Variants in PCDH9 observed in about 807,000 individuals in gnomAD.
PCDH9 encodes the protein protocadherin 9, also known as protocadherin-9.
Under a neutral mutation model 70.6 loss-of-function variants are expected in PCDH9, and 24 were observed. That is an observed-to-expected ratio of 0.34 (90% confidence interval 0.25 to 0.48). The LOEUF (loss-of-function observed/expected upper bound fraction) is 0.48. Ranked by LOEUF, PCDH9 falls within the 20% of genes least tolerant of loss-of-function variation. The probability of loss-of-function intolerance (pLI) is 0.99; values close to 1 mark genes in which losing one functional copy is unlikely to be tolerated. For missense variants in PCDH9, 1,281 were observed against 1,503.6 expected (o/e 0.85, Z 2.45); for synonymous variants, 562 against 558.5 (o/e 1.01, Z -0.09).
At chr13:66,402,088 G>T (rs916272564) in intron 4 of PCDH9, among the ~76,000 whole-genome samples, 1 of 152,054 alleles carries the variant, frequency 6.6e-6, no homozygotes, top group African/African-American at 2.4e-5. Flanking sequence ...CTTTCTTTCT[G>T]CTTGAAAATA....
At chr13:67,085,557 C>A (rs2086090140) in intron 2 of PCDH9, among the ~76,000 whole-genome samples, 1 of 152,128 alleles carries the variant, frequency 6.6e-6, no homozygotes, top group Admixed American at 6.6e-5. Context: ...GCATTTCACA[C>A]CAACTAGAAG....
chr13:66,833,431 G>A (rs190111238), intron 3 of PCDH9, among the ~76,000 whole-genome samples: 10 of 152,132 alleles, frequency 6.6e-5, no homozygotes, highest in African/African-American at 1.4e-4. Flanking sequence ...TTCCACCCCA[G>A]GGCAGAGGGT....
At chr13:66,526,885 A>G (rs1381987475) in intron 4 of PCDH9, among the ~76,000 whole-genome samples, 3 of 152,200 alleles carry the variant, frequency 2.0e-5, no homozygotes, top group Non-Finnish European at 2.9e-5. Context: ...GATGCAAGCA[A>G]AAGTGCATAA....
At chr13:66,443,907 C>G (rs971439284) in intron 4 of PCDH9, among the ~76,000 whole-genome samples, 11 of 151,960 alleles carry the variant, frequency 7.2e-5, no homozygotes, top group African/African-American at 2.7e-4. Flanking sequence ...TTACTATGAG[C>G]GTTGTTTAAC....
At chr13:67,152,326 G>A (rs560640676) in intron 2 of PCDH9, among the ~76,000 whole-genome samples, 1 of 152,246 alleles carries the variant, frequency 6.6e-6, no homozygotes, top group East Asian at 1.9e-4. Context: ...AAATCCACTT[G>A]TGCCTAAGGC....
chr13:67,039,165 T>A (rs991407532), intron 2 of PCDH9, among the ~76,000 whole-genome samples: 1 of 152,182 alleles, frequency 6.6e-6, no homozygotes, highest in African/African-American at 2.4e-5. Context: ...TGGAACTGCA[T>A]CAGACCAGTC....
At position 66,421,866 on chromosome 13, in the gene PCDH9, A is replaced by T. The variant is rs1957574179; in HGVS notation, c.3341-116838T>A. The stretch of plus-strand genomic sequence containing the variant: ...CCAATTAAAAGGCACAGACTGGCAA[A>T]TTGGATAAAGAGTCAAGACCCATCG... On this transcript the variant is annotated intron_variant, in intron 4 of 4. Coordinates refer to ENST00000377865, the MANE Select transcript of PCDH9 (RefSeq NM_203487.3). Among the ~76,000 whole-genome samples, 4 of 152,314 alleles carry T rather than the reference A, an allele frequency of 2.6e-5. No individual in the cohort carries two copies. The South Asian group carries it at 8.3e-4, about 32-fold the overall frequency.
chr13:67,172,669 G>T (rs948621705), intron 2 of PCDH9, among the ~76,000 whole-genome samples: 1 of 151,898 alleles, frequency 6.6e-6, no homozygotes, highest in Non-Finnish European at 1.5e-5. Flanking sequence ...CCTGAGGTCC[G>T]GAGTTCGACA....
chr13:67,199,083 C>T (rs2089146913), intron 2 of PCDH9, among the ~76,000 whole-genome samples: 3 of 151,362 alleles, frequency 2.0e-5, no homozygotes, highest in African/African-American at 7.3e-5. Flanking sequence ...ATTTAATAAA[C>T]ATAAATTGTA....
At chr13:66,840,909 T>G (rs2081106070) in intron 3 of PCDH9, among the ~76,000 whole-genome samples, 1 of 152,048 alleles carries the variant, frequency 6.6e-6, no homozygotes, top group South Asian at 2.1e-4. Flanking sequence ...ACACTACTAA[T>G]TAGAGAGAGA....
At chr13:67,119,265 C>A (rs924179732) in intron 2 of PCDH9, among the ~76,000 whole-genome samples, 1 of 151,720 alleles carries the variant, frequency 6.6e-6, no homozygotes. Flanking sequence ...AGATCTTAGC[C>A]GGGATTTAAA....
intron 3 of PCDH9, among the ~76,000 whole-genome samples, chr13:66,868,073 T>G (rs992684196): frequency 1.3e-5 from 2 of 152,020 alleles, no homozygotes; most frequent in African/African-American, 2.4e-5. Flanking sequence ...CCTAGACTGA[T>G]TTACTGTCAT....
chr13:66,840,270 C>A (rs1242643153), intron 3 of PCDH9, among the ~76,000 whole-genome samples: 2 of 151,968 alleles, frequency 1.3e-5, no homozygotes, highest in African/African-American at 4.8e-5. Flanking sequence ...GGTAGTATTT[C>A]TTTTCAAAGC....
At chr13:66,416,417 T>C (rs1957462166) in intron 4 of PCDH9, among the ~76,000 whole-genome samples, 1 of 152,002 alleles carries the variant, frequency 6.6e-6, no homozygotes. Context: ...CAGCCGACCA[T>C]ATGGGCAGTA....
intron 3 of PCDH9, among the ~76,000 whole-genome samples, chr13:66,801,150 A>G (rs115482961): frequency 0.015 from 2,265 of 152,096 alleles, 71 homozygotes; most frequent in African/African-American, 0.051. Flanking sequence ...TAGATATTCA[A>G]CAAATGCTAG....
chr13:66,540,506 G>A (rs1960908898), intron 4 of PCDH9, among the ~76,000 whole-genome samples: 1 of 151,952 alleles, frequency 6.6e-6, no homozygotes, highest in African/African-American at 2.4e-5. Flanking sequence ...AATTTTAAAG[G>A]TTTCTTAAAA....
intron 4 of PCDH9, among the ~76,000 whole-genome samples, chr13:66,353,636 C>T (rs1436822149): frequency 6.6e-6 from 1 of 151,996 alleles, no homozygotes; most frequent in African/African-American, 2.4e-5. Flanking sequence ...AGCTGATTAC[C>T]TTTTAAAATT....
intron 3 of PCDH9, among the ~76,000 whole-genome samples, chr13:66,649,971 AC>A (rs1057325115): frequency 1.3e-4 from 19 of 151,726 alleles, no homozygotes; most frequent in African/African-American, 4.6e-4. Context: ...TAAAAAAAAA[AC>A]ACAAACACAC....
intron 2 of PCDH9, among the ~76,000 whole-genome samples, chr13:67,199,660 T>C (rs1019156759): frequency 6.6e-6 from 1 of 152,020 alleles, no homozygotes; most frequent in Admixed American, 6.6e-5. Flanking sequence ...GGAAACAATT[T>C]CAGGGAACTA....
Sources: allele counts gnomAD v4.1 joint callset (sites outside exome capture counted in the v4.1 genomes callset), GRCh38; gene constraint gnomAD v4.1.1; transcripts MANE v1.5; gene names NCBI Gene and HGNC (gene_info 2026-07-23, HGNC 2026-07-21).